Variants in LRMDA observed in about 807,000 individuals in gnomAD.
LRMDA encodes leucine rich melanocyte differentiation associated.
In LRMDA, 18 loss-of-function variants were observed where a neutral mutation model predicts 29.8. The ratio of observed to expected loss-of-function variants is 0.60; its 90% CI spans 0.42 to 0.90. LRMDA has a LOEUF of 0.90. LRMDA is among the 40% of genes least tolerant of loss of function. The pLI is 0.00. For missense variants in LRMDA, 273 were observed against 273.9 expected (o/e 1.00, Z 0.02); for synonymous variants, 125 against 109.4 (o/e 1.14, Z -0.89).
intron 2 of LRMDA, among the ~76,000 whole-genome samples, chr10:76,019,939 T>C (rs1847941750): frequency 6.6e-6 from 1 of 152,228 alleles, no homozygotes; most frequent in Non-Finnish European, 1.5e-5. Flanking sequence ...CAGGAGATTC[T>C]GGTGCAGGTG....
intron 2 of LRMDA, among the ~76,000 whole-genome samples, chr10:75,719,845 A>C (rs183577808): frequency 1.3e-5 from 2 of 152,320 alleles, no homozygotes; most frequent in East Asian, 3.9e-4. Context: ...TACTTTCCCA[A>C]TTACTTTATA....
chr10:75,804,811 T>A (rs929648276), intron 2 of LRMDA, among the ~76,000 whole-genome samples: 1 of 151,996 alleles, frequency 6.6e-6, no homozygotes, highest in Non-Finnish European at 1.5e-5. Context: ...CTGTTTTGAG[T>A]TTCTGAGGTT....
At chr10:75,461,535 C>A (rs539890549) in intron 2 of LRMDA, among the ~76,000 whole-genome samples, 1 of 152,236 alleles carries the variant, frequency 6.6e-6, no homozygotes, top group African/African-American at 2.4e-5. Flanking sequence ...GTCCTGAATC[C>A]CATCACCCCT....
intron 2 of LRMDA, among the ~76,000 whole-genome samples, chr10:75,775,459 G>A (rs1239564897): frequency 6.6e-6 from 1 of 152,220 alleles, no homozygotes; most frequent in Non-Finnish European, 1.5e-5. Flanking sequence ...AAAGAAATGA[G>A]CGACAGCTTA....
intron 6 of LRMDA, among the ~76,000 whole-genome samples, chr10:76,392,429 T>A (rs1241557784): frequency 6.6e-6 from 1 of 152,164 alleles, no homozygotes; most frequent in East Asian, 1.9e-4. Flanking sequence ...ACAGATTGAG[T>A]ATCCCTTATC....
chr10:75,482,657 G>A (rs1844866532), intron 2 of LRMDA, among the ~76,000 whole-genome samples: 1 of 152,204 alleles, frequency 6.6e-6, no homozygotes, highest in Admixed American at 6.5e-5. Context: ...TAGAGTCTGT[G>A]TCAGCTCAAC....
chr10:75,818,144 T>C (rs1844092595), intron 2 of LRMDA, among the ~76,000 whole-genome samples: 1 of 152,188 alleles, frequency 6.6e-6, no homozygotes, highest in Non-Finnish European at 1.5e-5. Flanking sequence ...AATGTCTGTT[T>C]GTGCCCCATT....
At chr10:75,574,516 C>T (rs916174386) in intron 2 of LRMDA, among the ~76,000 whole-genome samples, 1 of 152,208 alleles carries the variant, frequency 6.6e-6, no homozygotes, top group Non-Finnish European at 1.5e-5. Context: ...GCCTGTTGGT[C>T]AGTCACTCAT....
At chr10:75,715,022 C>T (rs1039857207) in intron 2 of LRMDA, among the ~76,000 whole-genome samples, 2 of 152,128 alleles carry the variant, frequency 1.3e-5, no homozygotes, top group African/African-American at 2.4e-5. Context: ...TTGGAGCTTC[C>T]ATGATATTCA....
At chr10:75,597,884 C>G (rs1840816015) in intron 2 of LRMDA, among the ~76,000 whole-genome samples, 2 of 151,990 alleles carry the variant, frequency 1.3e-5, no homozygotes, top group African/African-American at 4.8e-5. Flanking sequence ...TTGTACAAAT[C>G]AGTTGTCATT....
intron 4 of LRMDA, 90 bp downstream of exon 4, chr10:76,047,393 T>G: frequency 7.7e-7 from 1 of 1,300,512 alleles, no homozygotes; most frequent in Non-Finnish European, 1.0e-6. Context: ...ATAGTAGATG[T>G]TTGGTACATA....
chr10:76,424,392 A>G (rs1257357954), intron 6 of LRMDA, among the ~76,000 whole-genome samples: 2 of 152,248 alleles, frequency 1.3e-5, no homozygotes, highest in East Asian at 3.9e-4. Flanking sequence ...CAAAAAAATT[A>G]GTCAGGCGTG....
At chr10:75,755,503 A>G (rs558944770) in intron 2 of LRMDA, among the ~76,000 whole-genome samples, 2 of 152,248 alleles carry the variant, frequency 1.3e-5, no homozygotes, top group Non-Finnish European at 2.9e-5. Flanking sequence ...AGACAAAGGT[A>G]TAAACAAGAC....
intron 6 of LRMDA, among the ~76,000 whole-genome samples, chr10:76,469,010 A>C (rs1842592029): frequency 6.6e-6 from 1 of 152,220 alleles, no homozygotes; most frequent in Admixed American, 6.5e-5. Context: ...ATAATGAAAA[A>C]ATATCCAACC....
chr10:76,194,626 G>T (rs1694893255), intron 5 of LRMDA, among the ~76,000 whole-genome samples: 1 of 152,288 alleles, frequency 6.6e-6, no homozygotes, highest in Admixed American at 6.5e-5. Context: ...TTATGAGGCA[G>T]TTGGAAAACG....
chr10:76,344,946 G>A (rs549537076), intron 6 of LRMDA, among the ~76,000 whole-genome samples: 12 of 141,108 alleles, frequency 8.5e-5, no homozygotes, highest in African/African-American at 2.6e-4. Context: ...AAAAGCATAA[G>A]ATAACTCATA....
chr10:75,766,313 T>A (rs1296992839), intron 2 of LRMDA, among the ~76,000 whole-genome samples: 1 of 152,164 alleles, frequency 6.6e-6, no homozygotes, highest in Non-Finnish European at 1.5e-5. Flanking sequence ...AGAGGAAGCA[T>A]CTTGATCTGA....
chr10:75,727,581 C>T (rs529186429), intron 2 of LRMDA, among the ~76,000 whole-genome samples: 1 of 152,286 alleles, frequency 6.6e-6, no homozygotes, highest in East Asian at 1.9e-4. Flanking sequence ...GTATATTTTA[C>T]AGATGCTTAT....
At chr10:76,553,544 C>T (rs1300807957) in intron 6 of LRMDA, among the ~76,000 whole-genome samples, 2 of 152,224 alleles carry the variant, frequency 1.3e-5, no homozygotes, top group African/African-American at 2.4e-5. Context: ...GAGAGAAACA[C>T]AATGCCACCT....
Sources: gnomAD v4.1 joint callset for allele counts (sites outside exome capture counted in the v4.1 genomes callset) on GRCh38, gnomAD v4.1.1 for gene constraint, MANE v1.5 for transcripts, NCBI Gene and HGNC (gene_info 2026-07-23, HGNC 2026-07-21) for gene names.